Variants in ALCAM observed in about 807,000 individuals in gnomAD.
ALCAM encodes activated leukocyte cell adhesion molecule.
A neutral mutation model predicts 70.9 loss-of-function variants in ALCAM; 30 were observed. That is an observed-to-expected ratio of 0.42 (90% CI 0.32 to 0.57). The LOEUF (loss-of-function observed/expected upper bound fraction) is 0.57. Among genes scored for constraint, ALCAM ranks in the 20% least tolerant of loss-of-function variants. ALCAM has a pLI of 0.11. For synonymous variants in ALCAM, 249 were observed against 242.5 expected (o/e 1.03, Z -0.25); for missense variants, 591 against 695.1 (o/e 0.85, Z 1.68).
chr3:105,540,463 G>A (rs961740877), intron 7 of ALCAM, among the ~76,000 whole-genome samples: 2 of 151,944 alleles, frequency 1.3e-5, no homozygotes, highest in African/African-American at 4.8e-5. Context: ...CCACAACATT[G>A]CCCCGAACAC....
At chr3:105,539,498 C>T (rs993989212) in intron 6 of ALCAM, among the ~76,000 whole-genome samples, 1 of 151,976 alleles carries the variant, frequency 6.6e-6, no homozygotes, top group Admixed American at 6.6e-5. Flanking sequence ...CCGAAATCCT[C>T]GCTGGTGTTG....
chr3:105,540,148 T>A, intron 7 of ALCAM, 46 bp downstream of exon 7: 1 of 1,579,300 alleles, frequency 6.3e-7, no homozygotes, highest in Non-Finnish European at 8.7e-7. Flanking sequence ...TCATTTTTCC[T>A]GTTGTTTGAC....
chr3:105,475,366 C>A (rs925623989), intron 1 of ALCAM, among the ~76,000 whole-genome samples: 2 of 151,934 alleles, frequency 1.3e-5, no homozygotes, highest in African/African-American at 4.8e-5. Context: ...ATTCTGGTTG[C>A]TCTGAGGAGA....
At chr3:105,494,850 G>A (rs910647488) in intron 1 of ALCAM, among the ~76,000 whole-genome samples, 7 of 151,972 alleles carry the variant, frequency 4.6e-5, no homozygotes, top group African/African-American at 1.7e-4. Flanking sequence ...TTGTAGAGAT[G>A]GAATCTTGCC....
chr3:105,527,426 A>G (rs2152625378), intron 3 of ALCAM, among the ~76,000 whole-genome samples: 1 of 152,246 alleles, frequency 6.6e-6, no homozygotes, highest in Admixed American at 6.5e-5. Flanking sequence ...TTCACTCCTC[A>G]TCAGTAAAAT....
intron 1 of ALCAM, among the ~76,000 whole-genome samples, chr3:105,394,152 GAA>G: frequency 6.6e-6 from 1 of 151,988 alleles, no homozygotes; most frequent in Middle Eastern, 3.4e-3. Flanking sequence ...TCCTAAAGCT[GAA>G]AAGATTAAAA....
intron 1 of ALCAM, among the ~76,000 whole-genome samples, chr3:105,496,827 G>GGTGTGT (rs1553728769): frequency 9.6e-6 from 1 of 103,826 alleles, no homozygotes; most frequent in African/African-American, 3.4e-5. Context: ...GTCCAATTGA[G>GGTGTGT]GTGTGTGTGT....
At chr3:105,413,028 G>A (rs1936426363) in intron 1 of ALCAM, among the ~76,000 whole-genome samples, 1 of 152,044 alleles carries the variant, frequency 6.6e-6, no homozygotes, top group Non-Finnish European at 1.5e-5. Flanking sequence ...CTATTAATTT[G>A]TGCATGTAGT....
chr3:105,421,558 C>G (rs1012463797), intron 1 of ALCAM, among the ~76,000 whole-genome samples: 1 of 151,320 alleles, frequency 6.6e-6, no homozygotes, highest in Non-Finnish European at 1.5e-5. Flanking sequence ...CTGATAAAGG[C>G]TTAAGAAGGA....
chr3:105,468,748 A>G (rs1937825467), intron 1 of ALCAM, among the ~76,000 whole-genome samples: 1 of 151,462 alleles, frequency 6.6e-6, no homozygotes, highest in Non-Finnish European at 1.5e-5. Context: ...GTGTGTTTGT[A>G]TTTAAAATGT....
intron 1 of ALCAM, among the ~76,000 whole-genome samples, chr3:105,475,696 A>G (rs548576082): frequency 6.6e-6 from 1 of 151,904 alleles, no homozygotes; most frequent in Non-Finnish European, 1.5e-5. Flanking sequence ...CACTTTTTTA[A>G]TGTTGTTTCT....
chr3:105,529,251 AATTTG>A (rs1309308338), intron 3 of ALCAM, among the ~76,000 whole-genome samples: 1 of 152,198 alleles, frequency 6.6e-6, no homozygotes, highest in African/African-American at 2.4e-5. Flanking sequence ...TCAGAAGCAA[AATTTG>A]GCTTAAATCA....
chr3:105,472,033 T>C (rs1237233221), intron 1 of ALCAM, among the ~76,000 whole-genome samples: 2 of 151,488 alleles, frequency 1.3e-5, no homozygotes, highest in Non-Finnish European at 3.0e-5. Flanking sequence ...TACATATCAG[T>C]GACATTGTGC....
At chr3:105,517,446 A>AGGATTT (rs1939413185) in intron 1 of ALCAM, among the ~76,000 whole-genome samples, 2 of 152,002 alleles carry the variant, frequency 1.3e-5, no homozygotes, top group Admixed American at 6.6e-5. Context: ...TTCCTGGCTG[A>AGGATTT]GGATTTGGAT....
In ALCAM at chr3:105,440,333, T is replaced by G. The variant is rs1241651109; in HGVS notation, c.73+72852T>G. On this transcript the variant is annotated intron_variant, in intron 1 of 15. Transcript: ENST00000306107. Reference sequence around the variant, plus strand: ...AAAGAAAGCATTGGTTGCACAATTCTAATGTCAATAAGCAAAATATTCATT... The same window carrying G: ...AAAGAAAGCATTGGTTGCACAATTCGAATGTCAATAAGCAAAATATTCATT... 2.4e-4 allele frequency among the ~76,000 whole-genome samples: 36 copies of G among 152,226 alleles called. 1 individual carries two copies. The highest frequency in any genetic ancestry group is 2.4e-3 in the Admixed American group (36 of 15,284).
At chr3:105,389,398 T>TTTTTTC (rs1553718636) in intron 1 of ALCAM, among the ~76,000 whole-genome samples, 1 of 127,822 alleles carries the variant, frequency 7.8e-6, no homozygotes, top group Non-Finnish European at 1.7e-5. Flanking sequence ...TTTTTTTTTT[T>TTTTTTC]CTAAAAAACA....
intron 8 of ALCAM, among the ~76,000 whole-genome samples, chr3:105,543,439 T>A (rs571724225): frequency 1.3e-4 from 19 of 151,864 alleles, no homozygotes; most frequent in African/African-American, 3.9e-4. Context: ...TAAATCAACA[T>A]CTGATTCTAA....
intron 14 of ALCAM, among the ~76,000 whole-genome samples, chr3:105,566,394 C>T (rs936201386): frequency 1.3e-5 from 2 of 152,164 alleles, no homozygotes; most frequent in Non-Finnish European, 2.9e-5. Flanking sequence ...CATATACTTA[C>T]AATTGTTATA....
intron 1 of ALCAM, among the ~76,000 whole-genome samples, chr3:105,494,284 G>C (rs903171414): frequency 1.3e-5 from 2 of 152,036 alleles, no homozygotes; most frequent in African/African-American, 2.4e-5. Context: ...TCAGTATAAA[G>C]TCATCAGTTT....
Sources: allele counts gnomAD v4.1 joint callset (sites outside exome capture counted in the v4.1 genomes callset), GRCh38; gene constraint gnomAD v4.1.1; transcripts MANE v1.5; gene names NCBI Gene and HGNC (gene_info 2026-07-23, HGNC 2026-07-21).